Variants in GALNTL6 observed in about 807,000 individuals in gnomAD.
GALNTL6 encodes polypeptide N-acetylgalactosaminyltransferase like 6, also known as polypeptide N-acetylgalactosaminyltransferase-like 6.
Under a neutral mutation model 73.7 loss-of-function variants are expected in GALNTL6, and 46 were observed. The ratio of observed to expected loss-of-function variants is 0.62; its 90% CI spans 0.49 to 0.80. The LOEUF is 0.80. GALNTL6 is among the 30% of genes least tolerant of loss of function. GALNTL6 has a pLI of 0.00. For synonymous variants in GALNTL6, 259 were observed against 263.7 expected (o/e 0.98, Z 0.17); for missense variants, 604 against 755.0 (o/e 0.80, Z 2.34).
intron 2 of GALNTL6, among the ~76,000 whole-genome samples, chr4:171,903,614 C>A (rs562043479): frequency 3.4e-5 from 4 of 118,808 alleles, no homozygotes; most frequent in Admixed American, 7.5e-5. Context: ...CAAAGCAGCC[C>A]TGAAGCTCAA....
At chr4:172,771,135 T>C (rs1738737266) in intron 5 of GALNTL6, among the ~76,000 whole-genome samples, 1 of 152,316 alleles carries the variant, frequency 6.6e-6, no homozygotes, top group African/African-American at 2.4e-5. Context: ...GAAGGTTAGT[T>C]GAATTGAGCA....
At chr4:172,006,851 A>G (rs1740859327) in intron 2 of GALNTL6, among the ~76,000 whole-genome samples, 1 of 152,008 alleles carries the variant, frequency 6.6e-6, no homozygotes, top group Admixed American at 6.6e-5. Context: ...AATAATTTGG[A>G]TTTATTTTTT....
intron 5 of GALNTL6, among the ~76,000 whole-genome samples, chr4:172,530,873 T>A (rs2110845936): frequency 6.7e-6 from 1 of 148,548 alleles, no homozygotes; most frequent in African/African-American, 2.5e-5. Context: ...GTCAGACAAC[T>A]TACAGAATTA....
intron 10 of GALNTL6, among the ~76,000 whole-genome samples, chr4:173,005,603 T>C (rs1752243793): frequency 6.6e-6 from 1 of 152,194 alleles, no homozygotes; most frequent in Non-Finnish European, 1.5e-5. Context: ...CTTGTTTATT[T>C]TAATGGAGTT....
intron 2 of GALNTL6, among the ~76,000 whole-genome samples, chr4:172,112,024 G>C (rs148403787): frequency 1.3e-5 from 2 of 152,132 alleles, no homozygotes; most frequent in African/African-American, 4.8e-5. Context: ...TAAAGGATGA[G>C]ACTAATTTCA....
intron 8 of GALNTL6, among the ~76,000 whole-genome samples, chr4:172,896,257 G>T (rs1317491949): frequency 6.6e-6 from 1 of 152,174 alleles, no homozygotes; most frequent in Non-Finnish European, 1.5e-5. Context: ...GTTTGTGCCT[G>T]TTCATTTTCC....
At chr4:172,473,261 G>A (rs1454873311) in intron 5 of GALNTL6, among the ~76,000 whole-genome samples, 4 of 151,930 alleles carry the variant, frequency 2.6e-5, no homozygotes, top group Non-Finnish European at 5.9e-5. Flanking sequence ...CTCTCTATTG[G>A]CTCACTCAGC....
At chr4:172,808,135 T>G (rs916018634) in intron 5 of GALNTL6, among the ~76,000 whole-genome samples, 7 of 152,186 alleles carry the variant, frequency 4.6e-5, no homozygotes, top group African/African-American at 1.4e-4. Context: ...ATCTGTATTC[T>G]TGTACAGTGA....
intron 10 of GALNTL6, among the ~76,000 whole-genome samples, chr4:172,958,696 T>A (rs1448120090): frequency 6.6e-6 from 1 of 152,148 alleles, no homozygotes; most frequent in African/African-American, 2.4e-5. Context: ...AGGAAGAAAT[T>A]TGGGCTTGAC....
At chr4:172,392,700 A>G (rs2111305933) in intron 5 of GALNTL6, among the ~76,000 whole-genome samples, 1 of 152,300 alleles carries the variant, frequency 6.6e-6, no homozygotes, top group East Asian at 1.9e-4. Context: ...ACAAAATAAT[A>G]TACTAAAAAT....
At chr4:171,922,924 A>G (rs2058834057) in intron 2 of GALNTL6, among the ~76,000 whole-genome samples, 1 of 152,072 alleles carries the variant, frequency 6.6e-6, no homozygotes, top group South Asian at 2.1e-4. Context: ...ATTATTGTTT[A>G]TTGTCTCAAG....
At chr4:172,952,580 A>G (rs1749512028) in intron 10 of GALNTL6, among the ~76,000 whole-genome samples, 1 of 150,226 alleles carries the variant, frequency 6.7e-6, no homozygotes, top group African/African-American at 2.5e-5. Flanking sequence ...CAATGGCGTG[A>G]TCTTGGCTCA....
intron 4 of GALNTL6, among the ~76,000 whole-genome samples, chr4:172,340,103 T>C (rs1741507930): frequency 6.6e-6 from 1 of 152,212 alleles, no homozygotes; most frequent in South Asian, 2.1e-4. Context: ...CAATTTTTCA[T>C]AATTGCATAT....
chr4:172,224,660 A>G (rs1411766552), intron 2 of GALNTL6, among the ~76,000 whole-genome samples: 2 of 152,186 alleles, frequency 1.3e-5, no homozygotes, highest in Non-Finnish European at 2.9e-5. Context: ...AGTTTGTAAC[A>G]GTAGCAGGCA....
chr4:171,992,613 G>C (rs1740373548), intron 2 of GALNTL6, among the ~76,000 whole-genome samples: 1 of 152,006 alleles, frequency 6.6e-6, no homozygotes. Context: ...TTTATTTCTT[G>C]AAAGCTACAA....
Position 172,464,166 on chromosome 4 carries a change from G to A in GALNTL6, c.553+115477G>A, listed in dbSNP as rs188802134. On this transcript the variant is annotated intron_variant, in intron 5 of 12. Transcript: ENST00000506823. ...TCCTCCCACCTTGGTCTCCCAAAGCGTTAGGATTACAGGTGCAAGCCACTG... is the reference window on the plus strand; with the variant it reads ...TCCTCCCACCTTGGTCTCCCAAAGCATTAGGATTACAGGTGCAAGCCACTG... 2.3e-3 allele frequency among the ~76,000 whole-genome samples: 354 copies of A among 152,124 alleles called. 5 individuals carry two copies. The highest frequency in any genetic ancestry group is 3.4e-3 in the Middle Eastern group (1 of 294).
chr4:173,036,146 C>T (rs983111020), intron 12 of GALNTL6, among the ~76,000 whole-genome samples: 7 of 152,206 alleles, frequency 4.6e-5, no homozygotes, highest in South Asian at 2.1e-4. Context: ...GAATCCCCTA[C>T]GCCACAAATC....
At chr4:172,787,811 C>A (rs1316784097) in intron 5 of GALNTL6, among the ~76,000 whole-genome samples, 3 of 152,104 alleles carry the variant, frequency 2.0e-5, no homozygotes. Flanking sequence ...TTCGGTGAGA[C>A]ACATTTTAGA....
Position 172,435,571 on chromosome 4 carries a change from A to G in GALNTL6, c.553+86882A>G, listed in dbSNP as rs1217004719. On this transcript the variant is annotated intron_variant, in intron 5 of 12. Transcript: ENST00000506823. The stretch of plus-strand genomic sequence containing the variant: ...GATCATTATAGCTCCATCACATTCT[A>G]TCTTAATGCTGATGAGTCTGTCTTA... 2.0e-5 allele frequency among the ~76,000 whole-genome samples: 3 copies of G among 152,156 alleles called. No homozygotes were observed. The East Asian group carries it at 5.8e-4, about 29-fold the overall frequency.
Sources: gnomAD v4.1 joint callset for allele counts (sites outside exome capture counted in the v4.1 genomes callset) on GRCh38, gnomAD v4.1.1 for gene constraint, MANE v1.5 for transcripts, NCBI Gene and HGNC (gene_info 2026-07-23, HGNC 2026-07-21) for gene names.